EVC: variants seen among roughly 807,000 people sequenced by gnomAD.
The protein encoded by EVC is evC complex member EVC.
A neutral mutation model predicts 118.9 loss-of-function variants in EVC; 116 were observed. The observed-to-expected ratio is 0.98, with a 90% CI of 0.84 to 1.14. EVC has a LOEUF of 1.14. Ranked by LOEUF, EVC falls within the 50% of genes most tolerant of loss-of-function variation. EVC has a pLI of 0.00. For synonymous variants in EVC, 619 were observed against 534.7 expected, an observed-to-expected ratio of 1.16 and a Z score of -2.18; for missense variants, 1,401 against 1,246.4, an observed-to-expected ratio of 1.12 and a Z score of -1.87.
Position 5,799,854 on chromosome 4 carries a change from G to A in EVC, c.2304+1062G>A, listed in dbSNP as rs146512087. ...TGCCTCAGATTATCCAAACAATTAG[G>A]GCTGTGCCTGGCTGGTGATATTGGG... On this transcript the variant is annotated intron_variant, in intron 15 of 20. Transcript: ENST00000264956. Among the ~76,000 whole-genome samples the A allele has an allele frequency of 7.5e-3, 1,140 of 152,212 alleles. 14 individuals are homozygous for A. The highest frequency in any genetic ancestry group is 0.026 in the African/African-American group (1,067 of 41,524).
rs1479026224 is a variant in EVC, at chr4:5,749,935, G to C, written c.1098+1629G>C. On this transcript the variant is annotated intron_variant, in intron 8 of 20. Coordinates refer to ENST00000264956, the MANE Select transcript of EVC (RefSeq NM_153717.3). The surrounding 1 kb of genome is among the most constrained non-coding windows in gnomAD (Gnocchi z 4.4). ...TCGGCAACACTGGGAGCTGGTTAGA[G>C]TGCAGAATCCTGTCCTCCACCCTTC... Among the ~76,000 whole-genome samples, 1 of 152,164 alleles carries C rather than the reference G, an allele frequency of 6.6e-6. No homozygotes were observed. Among genetic ancestry groups the C allele is most frequent in the South Asian group, 2.1e-4 (1 of 4,826 alleles).
intron 11 of EVC, among the ~76,000 whole-genome samples, chr4:5,759,832 A>C (rs1731730983): frequency 6.6e-6 from 1 of 152,200 alleles, no homozygotes; most frequent in Non-Finnish European, 1.5e-5. Context: ...ACACAGCCTC[A>C]GGAGGGCGCG....
chr4:5,813,575 G>C lies in EVC; in HGVS notation c.*2538G>C, dbSNP rs1365618200. On this transcript the variant is annotated 3_prime_UTR_variant, in exon 21 of 21. Transcript: ENST00000264956. Reference sequence around the variant, plus strand: ...CCGATGGCTCCTCCCGGGGAAGCCTGATTTTGTGACGTGTGTATAGTAAAT... The same window carrying C: ...CCGATGGCTCCTCCCGGGGAAGCCTCATTTTGTGACGTGTGTATAGTAAAT... 1 of 152,174 alleles carries C rather than the reference G, an allele frequency of 6.6e-6. No homozygotes were observed. Among genetic ancestry groups the C allele is most frequent in the African/African-American group, 2.4e-5 (1 of 41,432 alleles). The allele number at this position is 152,174 out of a possible 1,614,324, so 9.4% of individuals were successfully genotyped here.
intron 13 of EVC, among the ~76,000 whole-genome samples, chr4:5,794,269 TTATATATATTTATA>T (rs1560419485): frequency 5.8e-5 from 8 of 137,278 alleles, no homozygotes; most frequent in Non-Finnish European, 1.1e-4. Flanking sequence ...ATTTATATAT[TTATATATATTTATA>T]TATATTTTTA....
In EVC at chr4:5,737,612, AG is replaced by A. The variant is rs1490676686; in HGVS notation, c.703-4101del. Among the ~76,000 whole-genome samples, 1 of 152,216 alleles carries A rather than the reference AG, an allele frequency of 6.6e-6. No homozygotes were observed. The highest frequency in any genetic ancestry group is 1.5e-5 in the Non-Finnish European group (1 of 68,040). On this transcript the variant is annotated intron_variant, in intron 5 of 20. Coordinates refer to ENST00000264956, the MANE Select transcript of EVC (RefSeq NM_153717.3). The surrounding 1 kb of genome is among the most constrained non-coding windows in gnomAD (Gnocchi z 5.0). ...CACTCCGAAAGTCCTAGGGCCCTTA[AG>A]GGTGATGCTAAATCTACTCTGCCTG...
At chr4:5,825,890 T>C in the EVC span, 18,404 of 536,722 alleles carry the variant, frequency 0.034, 411 homozygotes, top group African/African-American at 0.055. The surrounding 1 kb of genome is among the most constrained non-coding windows in gnomAD (Gnocchi z 4.4). Context: ...CCCACATGCA[T>C]ACACATACAG....
chr4:5,792,230 A>G (rs1712925541), intron 12 of EVC, among the ~76,000 whole-genome samples: 1 of 152,224 alleles, frequency 6.6e-6, no homozygotes, highest in Non-Finnish European at 1.5e-5. Context: ...CAGATTGCTA[A>G]AAAACACATT....
At chr4:5,779,847 T>C (rs1367477339) in intron 11 of EVC, among the ~76,000 whole-genome samples, 1 of 145,052 alleles carries the variant, frequency 6.9e-6, no homozygotes, top group Admixed American at 7.0e-5. Context: ...TTCTCCTGCC[T>C]AATTGCCCTG....
intron 11 of EVC, among the ~76,000 whole-genome samples, chr4:5,769,482 G>A (rs949899850): frequency 2.4e-4 from 14 of 57,846 alleles, no homozygotes; most frequent in East Asian, 2.1e-3. Flanking sequence ...AATCCCCCCT[G>A]TCTCTCGGCC....
intron 13 of EVC, among the ~76,000 whole-genome samples, chr4:5,795,853 A>G (rs1282450109): frequency 2.6e-5 from 4 of 152,202 alleles, no homozygotes; most frequent in Non-Finnish European, 5.9e-5. Context: ...GGGTTTTCAT[A>G]TCAGTTTATG....
intron 20 of EVC, 81 bp downstream of exon 20, chr4:5,810,531 G>A (rs1716738979): frequency 5.7e-6 from 6 of 1,054,352 alleles, no homozygotes; most frequent in South Asian, 1.4e-5. Context: ...AGTCAGGGCA[G>A]GAAAATCATC....
intron 16 of EVC, among the ~76,000 whole-genome samples, chr4:5,804,484 C>T (rs750973773): frequency 1.3e-5 from 2 of 152,162 alleles, no homozygotes; most frequent in African/African-American, 2.4e-5. Flanking sequence ...CCCATTTCTC[C>T]TGATACAAGA....
chr4:5,748,793 C>A (rs868307224), intron 8 of EVC, among the ~76,000 whole-genome samples: 40 of 106,594 alleles, frequency 3.8e-4, no homozygotes, highest in Admixed American at 7.0e-4. Flanking sequence ...TCCATCCATC[C>A]ATCCATCCAT....
At chr4:5,764,046 G>T (rs1732477525) in intron 11 of EVC, among the ~76,000 whole-genome samples, 1 of 148,142 alleles carries the variant, frequency 6.8e-6, no homozygotes, top group South Asian at 2.2e-4. Flanking sequence ...GTTTGTCATA[G>T]ATAGCTCTTA....
chr4:5,788,407 TGAGAGC>T (rs1712115173), intron 12 of EVC, among the ~76,000 whole-genome samples: 1 of 152,202 alleles, frequency 6.6e-6, no homozygotes, highest in African/African-American at 2.4e-5. Flanking sequence ...GTCGTTGGAC[TGAGAGC>T]CAACAGCTTC....
At chr4:5,814,701 C>T (rs533422355), downstream of EVC, among the ~76,000 whole-genome samples, 9 of 152,232 alleles carry the variant, frequency 5.9e-5, no homozygotes, top group East Asian at 1.7e-3. Flanking sequence ...CTCACATGGG[C>T]CACACCCCTG....
downstream of EVC, among the ~76,000 whole-genome samples, chr4:5,816,515 T>G (rs1300980926): frequency 1.3e-5 from 2 of 152,126 alleles, no homozygotes; most frequent in Non-Finnish European, 2.9e-5. Context: ...TGCTGAGATG[T>G]AGAACTGTGC....
intron 8 of EVC, among the ~76,000 whole-genome samples, chr4:5,750,266 G>A (rs553624545): frequency 2.6e-5 from 4 of 152,266 alleles, no homozygotes; most frequent in African/African-American, 9.6e-5. Flanking sequence ...GCTCTGCAAA[G>A]GTGAAAGACT....
chr4:5,736,348 G>C (rs556287651), intron 5 of EVC, among the ~76,000 whole-genome samples: 45 of 152,154 alleles, frequency 3.0e-4, no homozygotes, highest in African/African-American at 1.1e-3. Context: ...AACTGAAGAA[G>C]GTCTGTAGAC....
Sources: gnomAD v4.1 joint callset for allele counts (sites outside exome capture counted in the v4.1 genomes callset) on GRCh38, gnomAD v4.1.1 for gene constraint, Gnocchi (gnomAD v3.1) non-coding constraint, MANE v1.5 for transcripts, NCBI Gene and HGNC (gene_info 2026-07-23, HGNC 2026-07-21) for gene names.